NEK10: variants seen among roughly 807,000 people sequenced by gnomAD.
NEK10 encodes the protein serine/threonine-protein kinase Nek10.
In NEK10, 122 loss-of-function variants were observed where a neutral mutation model predicts 159.8. That is an observed-to-expected ratio of 0.76 (90% CI 0.66 to 0.89). The LOEUF is 0.89. NEK10 is among the 40% of genes least tolerant of loss of function. The probability of loss-of-function intolerance (pLI) is 0.00; values close to 1 mark genes in which losing one functional copy is unlikely to be tolerated. For missense variants in NEK10, 1,342 were observed against 1,323.1 expected, an observed-to-expected ratio of 1.01 and a Z score of -0.22; for synonymous variants, 466 against 457.1, an observed-to-expected ratio of 1.02 and a Z score of -0.25.
intron 3 of NEK10, among the ~76,000 whole-genome samples, chr3:27,351,557 T>C (rs2047973041): frequency 6.6e-6 from 1 of 152,124 alleles, no homozygotes; most frequent in Non-Finnish European, 1.5e-5. Flanking sequence ...TAGAAAGTGT[T>C]CCCTAAATAC....
chr3:27,331,189 G>C (rs1004359480), intron 5 of NEK10, among the ~76,000 whole-genome samples: 1 of 134,840 alleles, frequency 7.4e-6, no homozygotes, highest in Non-Finnish European at 1.5e-5. Context: ...AGTGAGCTGA[G>C]ATCAGGCCAC....
intron 16 of NEK10, 66 bp from the exon 17 acceptor site, chr3:27,291,652 T>A: frequency 1.1e-6 from 1 of 934,908 alleles, no homozygotes; most frequent in South Asian, 1.4e-5. Flanking sequence ...TTCCCTTTTT[T>A]ATTTTTTTGA....
intron 30 of NEK10, among the ~76,000 whole-genome samples, chr3:27,160,723 T>G (rs982249151): frequency 6.6e-6 from 1 of 152,068 alleles, no homozygotes; most frequent in Non-Finnish European, 1.5e-5. Flanking sequence ...CTGGCCAATA[T>G]GGAGAAACCC....
At chr3:27,261,784 C>A (rs887053122) in intron 22 of NEK10, among the ~76,000 whole-genome samples, 2 of 152,052 alleles carry the variant, frequency 1.3e-5, no homozygotes, top group African/African-American at 4.8e-5. Context: ...TCCTTGTTAA[C>A]TTTCTGTCTT....
Position 27,287,649 on chromosome 3 carries a change from T to C in NEK10, c.1789+49A>G, listed in dbSNP as rs1168713676. On this transcript the variant is annotated intron_variant, in intron 20 of 35. Transcript: ENST00000691995. ...TGACATTCTGATACAAAAATATATG[T>C]GACAAAAATGTTTCCTTATTTAGAA... 3 of 1,537,844 alleles carry C rather than the reference T, an allele frequency of 2.0e-6. No homozygotes were observed. The Admixed American group carries it at 7.1e-5, about 36-fold the overall frequency.
rs1946136057 is a variant in NEK10 at position 27,162,754 on chromosome 3, C to T, written c.2832-16G>A. The T allele has an allele frequency of 6.2e-7, 1 of 1,613,974 alleles. No homozygotes were observed. Among genetic ancestry groups the T allele is most frequent in the African/African-American group, 1.3e-5 (1 of 74,916 alleles). The stretch of plus-strand genomic sequence containing the variant: ...AGTGAAGTCCCTGAAAATAGAATTA[C>T]AGGCCATTAGAATGACCTGTTCAAC... On this transcript the variant is annotated splice_polypyrimidine_tract_variant and intron_variant, in intron 29 of 35. Transcript: ENST00000691995.
intron 22 of NEK10, among the ~76,000 whole-genome samples, chr3:27,274,357 A>G (rs555804990): frequency 4.6e-5 from 7 of 152,346 alleles, no homozygotes; most frequent in Admixed American, 2.0e-4. Context: ...TGGTACATAA[A>G]CATTACCTAG....
intron 32 of NEK10, among the ~76,000 whole-genome samples, chr3:27,128,956 A>C (rs1942293673): frequency 6.6e-6 from 1 of 152,164 alleles, no homozygotes; most frequent in Non-Finnish European, 1.5e-5. Flanking sequence ...TGAAAATATT[A>C]GGAAATGTGT....
chr3:27,311,979 C>T (rs2044733589), intron 8 of NEK10, 120 bp downstream of exon 8: 1 of 713,438 alleles, frequency 1.4e-6, no homozygotes, highest in Non-Finnish European at 2.5e-6. Flanking sequence ...TGCTCAACAC[C>T]TGAGCTGTGT....
intron 1 of NEK10, among the ~76,000 whole-genome samples, chr3:27,363,530 G>A (rs966702248): frequency 6.6e-6 from 1 of 152,204 alleles, no homozygotes; most frequent in Non-Finnish European, 1.5e-5. Flanking sequence ...TAGATATGGA[G>A]AGTAGAGACA....
intron 22 of NEK10, among the ~76,000 whole-genome samples, chr3:27,259,105 A>G (rs1250838755): frequency 6.6e-6 from 1 of 151,762 alleles, no homozygotes; most frequent in East Asian, 1.9e-4. Context: ...TTCACTGTAG[A>G]TTCTGGATAT....
rs888688470 is a variant in NEK10, at chr3:27,346,314, T to G, written c.133-98A>C. The G allele has an allele frequency of 7.0e-6, 9 of 1,279,268 alleles. No individual in the cohort carries two copies. In the South Asian group the frequency reaches 1.1e-4, roughly 16 times the overall value. The allele number at this position is 1,279,268 out of a possible 1,614,324, so 79.2% of individuals were successfully genotyped here. On this transcript the variant is annotated intron_variant, in intron 3 of 35. Coordinates refer to ENST00000691995, the MANE Select transcript of NEK10 (RefSeq NM_001394966.1). ...GGAGGATGAAGAGACTGAGATTTTT[T>G]CCAGGCCAATAATTAAGATAACAAC...
At chr3:27,202,853 T>G (rs1022401155) in intron 23 of NEK10, among the ~76,000 whole-genome samples, 46 of 152,294 alleles carry the variant, frequency 3.0e-4, no homozygotes, top group African/African-American at 1.1e-3. Flanking sequence ...TAGATGGAGT[T>G]GCTGGCCCCA....
chr3:27,273,717 C>T (rs1394957923), intron 22 of NEK10, among the ~76,000 whole-genome samples: 1 of 152,184 alleles, frequency 6.6e-6, no homozygotes, highest in Non-Finnish European at 1.5e-5. Context: ...GAGGAGTCTA[C>T]TTGAGCACAA....
intron 5 of NEK10, among the ~76,000 whole-genome samples, chr3:27,335,289 G>A (rs1432682669): frequency 2.7e-5 from 4 of 150,404 alleles, no homozygotes; most frequent in Admixed American, 6.6e-5. Flanking sequence ...GCAGTGAGCC[G>A]AGAATGCACC....
intron 6 of NEK10, among the ~76,000 whole-genome samples, chr3:27,317,129 T>C (rs4973761): frequency 0.15 from 23,290 of 152,224 alleles, 2,025 homozygotes; most frequent in Non-Finnish European, 0.2. Context: ...ATTTATGAAA[T>C]GAATATTTTC....
At position 27,211,308 on chromosome 3, in the gene NEK10, T is replaced by C. The variant is rs549362971; in HGVS notation, c.2091-8751A>G. Among the ~76,000 whole-genome samples the C allele has an allele frequency of 2.0e-5, 3 of 152,084 alleles. No individual in the cohort carries two copies. The East Asian group carries it at 5.8e-4, about 29-fold the overall frequency. On this transcript the variant is annotated intron_variant, in intron 23 of 35. Coordinates refer to ENST00000691995, the MANE Select transcript of NEK10 (RefSeq NM_001394966.1). The stretch of plus-strand genomic sequence containing the variant: ...AATGCAAAGTGGCATTATTATTACA[T>C]AGAGAGATCTGTCACATTTCATAGG...
intron 22 of NEK10, among the ~76,000 whole-genome samples, chr3:27,277,556 T>C (rs544170143): frequency 6.6e-6 from 1 of 152,168 alleles, no homozygotes; most frequent in South Asian, 2.1e-4. Context: ...TCTTGCCACA[T>C]CAAACACCTT....
chr3:27,199,723 TCTA>T (rs1949881257), intron 25 of NEK10, among the ~76,000 whole-genome samples: 1 of 152,082 alleles, frequency 6.6e-6, no homozygotes, highest in Non-Finnish European at 1.5e-5. Context: ...GCCCATAAAT[TCTA>T]GGCTGGATAA....
Sources: gnomAD v4.1 joint callset for allele counts (sites outside exome capture counted in the v4.1 genomes callset) on GRCh38, gnomAD v4.1.1 for gene constraint, MANE v1.5 for transcripts, NCBI Gene and HGNC (gene_info 2026-07-23, HGNC 2026-07-21) for gene names.